LEPROTL1: variants seen among roughly 807,000 people sequenced by gnomAD.
LEPROTL1 encodes the protein leptin receptor overlapping transcript-like 1.
In LEPROTL1, 6 loss-of-function variants were observed where a neutral mutation model predicts 15.4. That is an observed-to-expected ratio of 0.39 (90% CI 0.21 to 0.77). The LOEUF is 0.77. Among genes scored for constraint, LEPROTL1 ranks in the 30% least tolerant of loss-of-function variants. LEPROTL1 has a pLI of 0.41. For synonymous variants in LEPROTL1, 56 were observed against 52.6 expected (o/e 1.06, Z -0.28); for missense variants, 128 against 158.1 (o/e 0.81, Z 1.02).
intron 4 of LEPROTL1, among the ~76,000 whole-genome samples, chr8:30,133,802 A>AAG (rs1563221019): frequency 4.0e-5 from 6 of 151,700 alleles, no homozygotes; most frequent in East Asian, 3.9e-4. Context: ...AAAAAAAAAA[A>AAG]AAAGAAAGAG....
chr8:30,112,036 G>A (rs1802659170), downstream of LEPROTL1, among the ~76,000 whole-genome samples: 1 of 152,180 alleles, frequency 6.6e-6, no homozygotes, highest in Non-Finnish European at 1.5e-5. Context: ...TGACTACCAA[G>A]TTTTTGCTCA....
At chr8:30,117,073 C>T (rs922395161) in intron 3 of LEPROTL1, among the ~76,000 whole-genome samples, 2 of 151,912 alleles carry the variant, frequency 1.3e-5, no homozygotes, top group African/African-American at 4.8e-5. Flanking sequence ...TTTTTTTTCC[C>T]CTTTACACCT....
At chr8:30,104,714 CTTTTTTTTTT>C in intron 3 of LEPROTL1, 1 of 200,252 alleles carries the variant, frequency 5.0e-6, no homozygotes. Flanking sequence ...TTTTTTTTTT[CTTTTTTTTTT>C]TTTTTTGAGA....
intron 3 of LEPROTL1, among the ~76,000 whole-genome samples, chr8:30,127,687 C>T (rs9774139): frequency 0.031 from 324 of 10,352 alleles, 2 homozygotes; most frequent in Non-Finnish European, 0.13. Context: ...AAAAAAAATA[C>T]ACACACACAC....
Position 30,107,447 on chromosome 8 carries a change from A to C in LEPROTL1, c.*1585A>C, listed in dbSNP as rs1802586322. The C allele has an allele frequency of 1.0e-6, 1 of 985,772 alleles. No homozygotes were observed. The highest frequency in any genetic ancestry group is 1.2e-6 in the Non-Finnish European group (1 of 829,928). 61.1% of individuals were successfully genotyped at this position (985,772 alleles called of 1,614,324 possible). A position where few individuals can be genotyped will look rare whatever the true frequency, so the allele number is the denominator to read the frequency against. ...TCAGCCAAAACTCAGTAATCATGAC[A>C]GCTGTCTGTTGTTTTATGAAGTTTA... On this transcript the variant is annotated 3_prime_UTR_variant, in exon 4 of 4. Transcript: ENST00000321250.
Position 30,106,383 on chromosome 8 carries a change from T to G in LEPROTL1, c.*521T>G. 1.0e-6 allele frequency: 1 copy of G among 985,938 alleles called. No individual in the cohort carries two copies. The highest frequency in any genetic ancestry group is 1.2e-6 in the Non-Finnish European group (1 of 829,962). The allele number at this position is 985,938 out of a possible 1,614,324, so 61.1% of individuals were successfully genotyped here. A position where few individuals can be genotyped will look rare whatever the true frequency, so the allele number is the denominator to read the frequency against. ...CAGACGGTTGGCATACGTTATAGAC[T>G]GTATACTCAGTGCAAATATAGCTGC... On this transcript the variant is annotated 3_prime_UTR_variant, in exon 4 of 4. Transcript: ENST00000321250.
downstream of LEPROTL1, among the ~76,000 whole-genome samples, chr8:30,110,181 T>C (rs530766753): frequency 9.1e-4 from 138 of 152,328 alleles, no homozygotes; most frequent in Non-Finnish European, 1.7e-3. Flanking sequence ...CATCTGTGGG[T>C]TTATGCCCAT....
At chr8:30,095,621 T>TCG (rs1428622366) in intron 1 of LEPROTL1, 93 bp downstream of exon 1, 369 of 1,090,358 alleles carry the variant, frequency 3.4e-4, no homozygotes, top group Non-Finnish European at 4.2e-4. Context: ...CCCTCCGGGC[T>TCG]CGCGCGCGCG....
downstream of LEPROTL1, chr8:30,137,702 T>C: frequency 1.7e-6 from 1 of 581,574 alleles, no homozygotes; most frequent in Non-Finnish European, 3.1e-6. Context: ...GGGACTCATT[T>C]TGGGAGGAAC....
downstream of LEPROTL1, among the ~76,000 whole-genome samples, chr8:30,112,400 A>G (rs1438361860): frequency 0.012 from 195 of 16,708 alleles, no homozygotes; most frequent in Non-Finnish European, 0.037. Context: ...ATGCCCAGCT[A>G]ATTTTTTTTT....
chr8:30,129,683 C>A (rs1475613536), intron 3 of LEPROTL1, among the ~76,000 whole-genome samples: 1 of 150,316 alleles, frequency 6.7e-6, no homozygotes, highest in East Asian at 2.0e-4. Context: ...CCACTGCACT[C>A]CAGCCTGGGT....
intron 4 of LEPROTL1, chr8:30,132,810 TC>T: frequency 5.8e-6 from 9 of 1,551,720 alleles, no homozygotes; most frequent in Non-Finnish European, 7.8e-6. Flanking sequence ...TCCTGAAGCC[TC>T]CAGATGCTGC....
chr8:30,122,208 A>G (rs1389156867), intron 3 of LEPROTL1, among the ~76,000 whole-genome samples: 2 of 152,136 alleles, frequency 1.3e-5, no homozygotes, highest in Non-Finnish European at 2.9e-5. Context: ...AGGTAATTCA[A>G]TGTGGAAAGA....
Position 30,120,456 on chromosome 8 carries a change from T to A in LEPROTL1, c.280-11919T>A, listed in dbSNP as rs527989396. Among the ~76,000 whole-genome samples the A allele has an allele frequency of 1.8e-4, 25 of 135,830 alleles. No individual in the cohort carries two copies. In the East Asian group the frequency reaches 3.7e-3, roughly 20 times the overall value. 89.1% of individuals were successfully genotyped at this position (135,830 alleles called of 152,430 possible). On this transcript the variant is annotated intron_variant, in intron 3 of 4. Coordinates refer to the LEPROTL1 transcript ENST00000442880. ...GGTCGCTTAATAAGTTGTATGTATT[T>A]GTATATGCATATATATATATGTATA...
intron 3 of LEPROTL1, among the ~76,000 whole-genome samples, chr8:30,131,367 C>G (rs1803012952): frequency 6.7e-6 from 1 of 150,286 alleles, no homozygotes; most frequent in African/African-American, 2.5e-5. Context: ...GTTGCCCAAC[C>G]TGGTCTCAAA....
At chr8:30,097,157 A>G (rs1187799618) in intron 1 of LEPROTL1, among the ~76,000 whole-genome samples, 1 of 152,214 alleles carries the variant, frequency 6.6e-6, no homozygotes, top group Non-Finnish European at 1.5e-5. Context: ...CAATTACTGT[A>G]TGAATTCTTG....
downstream of LEPROTL1, chr8:30,138,078 A>T (rs1031118800): frequency 2.9e-5 from 5 of 170,968 alleles, no homozygotes; most frequent in African/African-American, 1.2e-4. Flanking sequence ...TTTCATCTCC[A>T]ACCCAACCAA....
Position 30,126,668 on chromosome 8 carries a change from T to C in LEPROTL1, c.280-5707T>C, listed in dbSNP as rs118047486. Among the ~76,000 whole-genome samples the C allele has an allele frequency of 2.9e-3, 446 of 152,332 alleles. 8 individuals carry two copies. The East Asian group carries it at 0.047, about 16-fold the overall frequency. ...AAAGCCACTGGCTGCCTGTTGATCA[T>C]GACAACTGTCTACAGATTAAGAAGG... On this transcript the variant is annotated intron_variant, in intron 3 of 4. Transcript: ENST00000442880.
chr8:30,097,290 AATTT>A (rs1426225994), intron 1 of LEPROTL1, among the ~76,000 whole-genome samples: 1 of 151,910 alleles, frequency 6.6e-6, no homozygotes, highest in Non-Finnish European at 1.5e-5. Flanking sequence ...ACTTTTAAGC[AATTT>A]ATTTAACCTC....
Sources: allele counts gnomAD v4.1 joint callset (sites outside exome capture counted in the v4.1 genomes callset), GRCh38; gene constraint gnomAD v4.1.1; transcripts MANE v1.5; gene names NCBI Gene and HGNC (gene_info 2026-07-23, HGNC 2026-07-21).